Variants in NPEPPS observed in about 807,000 individuals in gnomAD.
NPEPPS encodes aminopeptidase puromycin sensitive.
In NPEPPS, 14 loss-of-function variants were observed where a neutral mutation model predicts 115.5. The observed-to-expected ratio is 0.12, with a 90% CI of 0.08 to 0.19. The LOEUF is 0.19. NPEPPS is among the 10% of genes least tolerant of loss of function. The pLI is 1.00. For missense variants in NPEPPS, 523 were observed against 1,110.8 expected (o/e 0.47, Z 7.52); for synonymous variants, 285 against 390.6 (o/e 0.73, Z 3.19).
chr17:47,553,114 C>T (rs977917745), intron 2 of NPEPPS, among the ~76,000 whole-genome samples: 11 of 152,008 alleles, frequency 7.2e-5, no homozygotes, highest in African/African-American at 2.7e-4. Context: ...TGGCTGTAAT[C>T]CCAGCACTTT....
At chr17:47,619,374 T>G in intron 21 of NPEPPS, 1 of 574,218 alleles carries the variant, frequency 1.7e-6, no homozygotes, top group Non-Finnish European at 3.1e-6. Context: ...GCCAACATGG[T>G]GAAATCCTGT....
intron 1 of NPEPPS, among the ~76,000 whole-genome samples, chr17:47,544,141 G>A (rs1437608419): frequency 6.6e-6 from 1 of 151,994 alleles, no homozygotes; most frequent in African/African-American, 2.4e-5. Flanking sequence ...TGATCCGCCT[G>A]CCTCGGCCTC....
intron 16 of NPEPPS, among the ~76,000 whole-genome samples, chr17:47,604,498 T>G (rs558646013): frequency 6.6e-6 from 1 of 152,390 alleles, no homozygotes; most frequent in East Asian, 1.9e-4. Context: ...TATTTGGCTT[T>G]CTTCCAGAAA....
chr17:47,604,264 T>C (rs1471628457), intron 16 of NPEPPS: 12 of 399,974 alleles, frequency 3.0e-5, no homozygotes, highest in Admixed American at 4.3e-5. Flanking sequence ...TTTCTGAAAC[T>C]CTTAATTAAA....
intron 12 of NPEPPS, 63 bp downstream of exon 12, chr17:47,592,608 A>G: frequency 7.1e-7 from 1 of 1,407,084 alleles, no homozygotes; most frequent in Non-Finnish European, 9.7e-7. Context: ...CCAGGCTGGG[A>G]CATTTTATTT....
At chr17:47,547,491 G>A (rs1335931848) in intron 2 of NPEPPS, among the ~76,000 whole-genome samples, 4 of 151,970 alleles carry the variant, frequency 2.6e-5, no homozygotes, top group Non-Finnish European at 5.9e-5. Context: ...TATTACAGGT[G>A]TGTACCACCA....
intron 1 of NPEPPS, among the ~76,000 whole-genome samples, chr17:47,523,570 G>A (rs1050640604): frequency 1.4e-4 from 22 of 151,982 alleles, no homozygotes; most frequent in African/African-American, 4.3e-4. Context: ...ACAGGCACCC[G>A]CCACCACACC....
rs377540077 is a variant in NPEPPS at position 47,560,819 on chromosome 17, A to G, written c.341-8598A>G. ...ATGATAGGGAAGTTGCTATCTGAATAAAAAAACAAAACAAAACCTCACAAT... is the reference window on the plus strand; with the variant it reads ...ATGATAGGGAAGTTGCTATCTGAATGAAAAAACAAAACAAAACCTCACAAT... On this transcript the variant is annotated intron_variant, in intron 2 of 22. Transcript: ENST00000322157. Among the ~76,000 whole-genome samples the G allele has an allele frequency of 9.9e-5, 15 of 152,180 alleles. 1 individual carries two copies. The highest frequency in any genetic ancestry group is 3.6e-4 in the African/African-American group (15 of 41,430).
chr17:47,541,174 C>G (rs2143693400), intron 1 of NPEPPS, among the ~76,000 whole-genome samples: 1 of 152,182 alleles, frequency 6.6e-6, no homozygotes, highest in East Asian at 1.9e-4. Context: ...GGTATCTTGA[C>G]ATTGGTGGAT....
chr17:47,621,639 G>A, intron 22 of NPEPPS, 129 bp from the exon 23 acceptor site: 1 of 786,396 alleles, frequency 1.3e-6, no homozygotes, highest in South Asian at 2.4e-5. Flanking sequence ...CCTGAGGGTG[G>A]CAGTGGTAAA....
At position 47,622,993 on chromosome 17, in the gene NPEPPS, G is replaced by A. The variant is rs1173311440; in HGVS notation, c.*1073G>A. The A allele has an allele frequency of 2.3e-6, 1 of 441,190 alleles. No homozygotes were observed. Among genetic ancestry groups the A allele is most frequent in the Non-Finnish European group, 4.5e-6 (1 of 222,224 alleles). 27.3% of individuals were successfully genotyped at this position (441,190 alleles called of 1,614,324 possible). A position where few individuals can be genotyped will look rare whatever the true frequency, so the allele number is the denominator to read the frequency against. ...AAACAAAGACTGTAAGCCTGTGTGT[G>A]CCACTGTTTGCTTCAACAGTATATC... On this transcript the variant is annotated 3_prime_UTR_variant, in exon 23 of 23. Transcript: ENST00000322157.
intron 8 of NPEPPS, chr17:47,586,832 T>A (rs1004523839): frequency 8.7e-6 from 4 of 461,486 alleles, no homozygotes; most frequent in Non-Finnish European, 1.7e-5. Context: ...CCTTTTTAGA[T>A]GAGCTAAGTG....
At chr17:47,609,001 A>G (rs1037439921) in intron 17 of NPEPPS, among the ~76,000 whole-genome samples, 1 of 152,196 alleles carries the variant, frequency 6.6e-6, no homozygotes, top group African/African-American at 2.4e-5. Context: ...CACTTAGACA[A>G]CTTTTTAAAG....
chr17:47,612,019 G>T (rs1424740197), intron 17 of NPEPPS, among the ~76,000 whole-genome samples: 2 of 151,974 alleles, frequency 1.3e-5, no homozygotes, highest in African/African-American at 4.8e-5. Context: ...GGCTATTTGT[G>T]TGTCTTGGAG....
chr17:47,564,463 T>C (rs1172797837), intron 2 of NPEPPS, among the ~76,000 whole-genome samples: 2 of 152,122 alleles, frequency 1.3e-5, no homozygotes, highest in Non-Finnish European at 2.9e-5. Flanking sequence ...ATATACCTTA[T>C]AAGATTCTCT....
Position 47,545,076 on chromosome 17 carries a change from C to T in NPEPPS, c.256-833C>T, listed in dbSNP as rs541710094. On this transcript the variant is annotated intron_variant, in intron 1 of 22. Coordinates refer to ENST00000322157, the MANE Select transcript of NPEPPS (RefSeq NM_006310.4). Reference sequence around the variant, plus strand: ...AGGTCAGTGATGTAATCATAGCTCACTGCAGCCTTGCTTGACCTCCTGGGC... The same window carrying T: ...AGGTCAGTGATGTAATCATAGCTCATTGCAGCCTTGCTTGACCTCCTGGGC... 1.6e-3 allele frequency among the ~76,000 whole-genome samples: 246 copies of T among 152,082 alleles called. 1 individual carries two copies. Among genetic ancestry groups the T allele is most frequent in the South Asian group, 6.2e-3 (30 of 4,822 alleles).
At chr17:47,609,980 A>G (rs1913742298) in intron 17 of NPEPPS, among the ~76,000 whole-genome samples, 2 of 152,088 alleles carry the variant, frequency 1.3e-5, no homozygotes, top group African/African-American at 4.8e-5. Flanking sequence ...TTTGTGTGCC[A>G]TTAACTGTTT....
At chr17:47,612,335 GTTAA>G (rs1164217791) in intron 17 of NPEPPS, 121 bp from the exon 18 acceptor site, 3 of 882,404 alleles carry the variant, frequency 3.4e-6, no homozygotes, top group South Asian at 3.6e-5. Flanking sequence ...CAGGTATTAA[GTTAA>G]TTGAGTGTGT....
intron 17 of NPEPPS, among the ~76,000 whole-genome samples, chr17:47,606,744 A>AGCTTCTGTGTCTTTTCTTCATTGATTC (rs150125921): frequency 7.2e-5 from 11 of 152,038 alleles, no homozygotes; most frequent in Non-Finnish European, 1.3e-4. Context: ...AGCTGGTCCC[A>AGCTTCTGTGTCTTTTCTTCATTGATTC]AACAAATATT....
Sources: allele counts gnomAD v4.1 joint callset (sites outside exome capture counted in the v4.1 genomes callset), GRCh38; gene constraint gnomAD v4.1.1; transcripts MANE v1.5; gene names NCBI Gene and HGNC (gene_info 2026-07-23, HGNC 2026-07-21).